The following RALGPS1 variants were observed in gnomAD, a reference collection of about 807,000 sequenced individuals.
The protein encoded by RALGPS1 is ras-specific guanine nucleotide-releasing factor RalGPS1.
A neutral mutation model predicts 78.8 loss-of-function variants in RALGPS1; 19 were observed. The ratio of observed to expected loss-of-function variants is 0.24; its 90% CI spans 0.17 to 0.35. RALGPS1 has a LOEUF of 0.35. Among genes scored for constraint, RALGPS1 ranks in the 10% least tolerant of loss-of-function variants. The pLI, the probability that RALGPS1 is intolerant of heterozygous loss-of-function variation, is 1.00. For missense variants in RALGPS1, 454 were observed against 688.3 expected (o/e 0.66, Z 3.81); for synonymous variants, 228 against 256.3 (o/e 0.89, Z 1.06).
At chr9:127,129,049 T>A (rs538704481) in intron 8 of RALGPS1, among the ~76,000 whole-genome samples, 93 of 152,248 alleles carry the variant, frequency 6.1e-4, no homozygotes, top group African/African-American at 2.1e-3. Context: ...CCAACAAATA[T>A]TCGTTTTAAG....
chr9:127,046,704 G>A (rs1443191940), intron 5 of RALGPS1, among the ~76,000 whole-genome samples: 1 of 150,322 alleles, frequency 6.7e-6, no homozygotes, highest in Non-Finnish European at 1.5e-5. Context: ...GCCAGGTGTG[G>A]TGATGCATGC....
chr9:127,075,961 G>A (rs547680818), intron 8 of RALGPS1, among the ~76,000 whole-genome samples: 1 of 152,324 alleles, frequency 6.6e-6, no homozygotes, highest in South Asian at 2.1e-4. Context: ...AAATTGTAGA[G>A]CCAGTTGGCT....
intron 8 of RALGPS1, among the ~76,000 whole-genome samples, chr9:127,104,720 C>T (rs1275328531): frequency 6.6e-6 from 1 of 152,212 alleles, no homozygotes; most frequent in East Asian, 1.9e-4. Context: ...CTCCCTTAGT[C>T]CCCTGGGGAA....
intron 4 of RALGPS1, among the ~76,000 whole-genome samples, chr9:127,018,462 C>T (rs374419982): frequency 2.6e-5 from 4 of 151,932 alleles, no homozygotes; most frequent in African/African-American, 7.3e-5. Context: ...GGTGAAACTC[C>T]GTCTCTACTA....
chr9:127,131,104 T>C (rs2056974940), intron 8 of RALGPS1, among the ~76,000 whole-genome samples: 1 of 152,200 alleles, frequency 6.6e-6, no homozygotes, highest in Non-Finnish European at 1.5e-5. Context: ...ATAGACTAGC[T>C]TGACTGTGGG....
rs114026582 is a variant in RALGPS1, at chr9:127,047,332, C to T, written c.301-2711C>T. The stretch of plus-strand genomic sequence containing the variant: ...GCTAAAAATTGTAGAAGAATATTCA[C>T]TTATAAAAATCTTGTGATATATGAT... On this transcript the variant is annotated intron_variant, in intron 5 of 18. Transcript: ENST00000259351. Among the ~76,000 whole-genome samples, 1,213 of 152,218 alleles carry T rather than the reference C, an allele frequency of 8.0e-3. 23 individuals are homozygous for T. The highest frequency in any genetic ancestry group is 0.028 in the African/African-American group (1,147 of 41,516).
chr9:126,999,123 A>T (rs988597289), intron 4 of RALGPS1, among the ~76,000 whole-genome samples: 73 of 151,846 alleles, frequency 4.8e-4, no homozygotes, highest in Non-Finnish European at 6.0e-4. Context: ...CATATGTAAC[A>T]AACCTGCACG....
chr9:127,195,497 G>T (rs760853369), intron 12 of RALGPS1, among the ~76,000 whole-genome samples: 1 of 152,192 alleles, frequency 6.6e-6, no homozygotes, highest in Non-Finnish European at 1.5e-5. Context: ...CAGGGAAGTA[G>T]CAGTGGCATT....
intron 5 of RALGPS1, among the ~76,000 whole-genome samples, chr9:127,044,018 G>C (rs2047540829): frequency 6.6e-6 from 1 of 152,172 alleles, no homozygotes; most frequent in Non-Finnish European, 1.5e-5. Flanking sequence ...TCCAGCAATT[G>C]CAATCCTAGG....
intron 7 of RALGPS1, among the ~76,000 whole-genome samples, chr9:127,064,403 A>G (rs1302551090): frequency 6.6e-6 from 1 of 152,204 alleles, no homozygotes; most frequent in African/African-American, 2.4e-5. Context: ...GAGTAAACAA[A>G]CCCTATATTT....
intron 18 of RALGPS1, chr9:127,216,931 C>T (rs756674138): frequency 1.8e-5 from 28 of 1,547,728 alleles, no homozygotes; most frequent in African/African-American, 6.9e-5. Context: ...CCAGGTCCAA[C>T]AGGAACTGAC....
At chr9:127,108,373 A>T in intron 8 of RALGPS1, 1 of 1,609,448 alleles carries the variant, frequency 6.2e-7, no homozygotes, top group Non-Finnish European at 8.5e-7. Context: ...CAGCAGCTTC[A>T]CCTCGCTCAC....
At chr9:126,958,650 C>T (rs1339176154) in intron 1 of RALGPS1, among the ~76,000 whole-genome samples, 1 of 152,176 alleles carries the variant, frequency 6.6e-6, no homozygotes, top group Admixed American at 6.5e-5. Context: ...CGACTGAATT[C>T]TCTGTCCGTT....
At chr9:126,998,320 GA>G (rs1409663724) in intron 4 of RALGPS1, among the ~76,000 whole-genome samples, 3 of 151,828 alleles carry the variant, frequency 2.0e-5, no homozygotes, top group Non-Finnish European at 2.9e-5. Context: ...AAATTTACAA[GA>G]AAAAAACAAA....
chr9:126,986,765 C>G (rs189823468), intron 4 of RALGPS1, among the ~76,000 whole-genome samples: 1 of 152,340 alleles, frequency 6.6e-6, no homozygotes, highest in East Asian at 1.9e-4. Flanking sequence ...GCTGCTGGGT[C>G]TGTTAAAGCC....
intron 11 of RALGPS1, among the ~76,000 whole-genome samples, chr9:127,182,380 CCCTCCCTCCCTCCCTCCCTTCCTT>C (rs1363023331): frequency 2.5e-4 from 7 of 28,352 alleles, no homozygotes; most frequent in East Asian, 7.3e-4. Context: ...CTCCCTCCCT[CCCTCCCTCCCTCCCTCCCTTCCTT>C]CCTCCCTTCC....
chr9:127,200,082 A>AC (rs2061552705), intron 14 of RALGPS1, among the ~76,000 whole-genome samples: 1 of 152,024 alleles, frequency 6.6e-6, no homozygotes, highest in Non-Finnish European at 1.5e-5. Context: ...GGGTGTATAC[A>AC]CTCACACGTA....
At chr9:126,948,816 C>CT (rs35563544) in intron 1 of RALGPS1, among the ~76,000 whole-genome samples, 5,438 of 145,202 alleles carry the variant, frequency 0.037, 109 homozygotes, top group East Asian at 0.11. Flanking sequence ...CTCCCAAGTT[C>CT]TTTTTTTTTT....
chr9:126,965,707 T>TAAA (rs2039417706), intron 2 of RALGPS1, 137 bp from the exon 3 acceptor site: 1 of 633,592 alleles, frequency 1.6e-6, no homozygotes. Flanking sequence ...TGGACTGGGG[T>TAAA]AAAGCTCTAA....
Sources: allele counts gnomAD v4.1 joint callset (sites outside exome capture counted in the v4.1 genomes callset), GRCh38; gene constraint gnomAD v4.1.1; transcripts MANE v1.5; gene names NCBI Gene and HGNC (gene_info 2026-07-23, HGNC 2026-07-21).